Variants in DPH6 observed in about 807,000 individuals in gnomAD.
DPH6 encodes the protein diphthine--ammonia ligase.
Under a neutral mutation model 38.2 loss-of-function variants are expected in DPH6, and 33 were observed. That is an observed-to-expected ratio of 0.86 (90% CI 0.65 to 1.15). The LOEUF (loss-of-function observed/expected upper bound fraction) is 1.15, where lower values mean the gene tolerates loss of function less well. Ranked by LOEUF, DPH6 falls within the 50% of genes most tolerant of loss-of-function variation. The pLI is 0.00. For synonymous variants in DPH6, 108 were observed against 103.0 expected, an observed-to-expected ratio of 1.05 and a Z score of -0.30; for missense variants, 325 against 320.0, an observed-to-expected ratio of 1.02 and a Z score of -0.12.
chr15:35,292,695 T>C (rs1295590357), intron 3 of DPH6, among the ~76,000 whole-genome samples: 1 of 152,168 alleles, frequency 6.6e-6, no homozygotes, highest in African/African-American at 2.4e-5. Flanking sequence ...TTTATTCATT[T>C]GAACAACAGA....
At chr15:35,340,615 C>T (rs1451311586) in intron 3 of DPH6, among the ~76,000 whole-genome samples, 2 of 152,094 alleles carry the variant, frequency 1.3e-5, no homozygotes, top group Non-Finnish European at 2.9e-5. Context: ...TGAAAAGAAT[C>T]TTATTTCTCT....
rs560179995 is a variant in DPH6, at chr15:35,299,671, C to G, written n.200+73850G>C. Reference sequence around the variant, plus strand: ...CCCCATTCCTAACTCCTTCCTGCCTCTCCCCAGCTGTTCACATAGATACAC... The same window carrying G: ...CCCCATTCCTAACTCCTTCCTGCCTGTCCCCAGCTGTTCACATAGATACAC... On this transcript the variant is annotated intron_variant and non_coding_transcript_variant, in intron 3 of 3. Transcript: ENST00000560386. 3.3e-5 allele frequency among the ~76,000 whole-genome samples: 5 copies of G among 152,334 alleles called. No individual in the cohort carries two copies. In the South Asian group the frequency reaches 1.0e-3, roughly 32 times the overall value.
chr15:35,354,525 T>A (rs890495188), intron 3 of DPH6, among the ~76,000 whole-genome samples: 1 of 152,230 alleles, frequency 6.6e-6, no homozygotes, highest in African/African-American at 2.4e-5. Context: ...TTTTTCTGCA[T>A]CTATTGAGAT....
At chr15:35,369,643 C>G (rs2052693088), downstream of DPH6, among the ~76,000 whole-genome samples, 1 of 146,046 alleles carries the variant, frequency 6.8e-6, no homozygotes, top group African/African-American at 2.5e-5. Flanking sequence ...AAGAAAAATC[C>G]CAAATAGTCC....
intron 3 of DPH6, among the ~76,000 whole-genome samples, chr15:35,310,090 C>T (rs2052127752): frequency 6.6e-6 from 1 of 152,168 alleles, no homozygotes; most frequent in African/African-American, 2.4e-5. Flanking sequence ...AGAACCCATT[C>T]CAGACCAATT....
chr15:35,382,798 C>G (rs112117940), intron 6 of DPH6, among the ~76,000 whole-genome samples: 9 of 150,360 alleles, frequency 6.0e-5, no homozygotes, highest in African/African-American at 2.2e-4. Flanking sequence ...GGTCCAACTT[C>G]AAGAAAGGTT....
intron 3 of DPH6, among the ~76,000 whole-genome samples, chr15:35,251,583 T>A (rs1446701897): frequency 6.6e-6 from 1 of 152,118 alleles, no homozygotes; most frequent in Non-Finnish European, 1.5e-5. Context: ...GTGTACCACA[T>A]CCCCTTGCCA....
At chr15:35,515,132 TAA>T (rs202176366) in intron 3 of DPH6, among the ~76,000 whole-genome samples, 42 of 139,906 alleles carry the variant, frequency 3.0e-4, no homozygotes, top group Non-Finnish European at 3.1e-4. Flanking sequence ...ACACTAAGGT[TAA>T]AAAAAAAAAA....
At chr15:35,468,078 C>T (rs912533263) in intron 3 of DPH6, among the ~76,000 whole-genome samples, 2 of 152,164 alleles carry the variant, frequency 1.3e-5, no homozygotes, top group African/African-American at 4.8e-5. Flanking sequence ...AAAAATATTT[C>T]ATTGGATACA....
chr15:35,419,334 A>G (rs1311777199), intron 5 of DPH6, among the ~76,000 whole-genome samples: 2 of 152,124 alleles, frequency 1.3e-5, no homozygotes, highest in Non-Finnish European at 2.9e-5. Context: ...ACATATATGA[A>G]AGTGACTATC....
intron 5 of DPH6, among the ~76,000 whole-genome samples, chr15:35,436,709 T>G (rs2053720325): frequency 6.6e-6 from 1 of 151,818 alleles, no homozygotes. Flanking sequence ...AAGTTTTTTT[T>G]GTTTTTCTCC....
At chr15:35,501,570 G>C (rs1328786448) in intron 3 of DPH6, among the ~76,000 whole-genome samples, 2 of 152,048 alleles carry the variant, frequency 1.3e-5, no homozygotes, top group Non-Finnish European at 2.9e-5. Flanking sequence ...GAGTCATTGA[G>C]TTTATTTGAG....
At chr15:35,537,177 A>G (rs1213645526) in intron 3 of DPH6, among the ~76,000 whole-genome samples, 1 of 152,166 alleles carries the variant, frequency 6.6e-6, no homozygotes, top group Non-Finnish European at 1.5e-5. Flanking sequence ...TGAAACTCAA[A>G]GTATGTCATT....
intron 3 of DPH6, among the ~76,000 whole-genome samples, chr15:35,357,479 T>C (rs1566879454): frequency 6.6e-6 from 1 of 152,228 alleles, no homozygotes; most frequent in Non-Finnish European, 1.5e-5. Context: ...GTTTATAGGT[T>C]CTGTGTGATT....
At chr15:35,327,026 G>A (rs1298140639), downstream of DPH6, among the ~76,000 whole-genome samples, 6 of 152,144 alleles carry the variant, frequency 3.9e-5, no homozygotes, top group Non-Finnish European at 8.8e-5. Context: ...TTGCTGAGAA[G>A]GTGACATGTA....
chr15:35,470,363 GA>G (rs1029851892), intron 3 of DPH6, among the ~76,000 whole-genome samples: 2 of 151,700 alleles, frequency 1.3e-5, no homozygotes, highest in African/African-American at 2.4e-5. Flanking sequence ...GTCGAGGAAT[GA>G]AAAAAATGGG....
chr15:35,408,429 A>T (rs1056378266), intron 6 of DPH6, among the ~76,000 whole-genome samples: 1 of 152,028 alleles, frequency 6.6e-6, no homozygotes, highest in African/African-American at 2.4e-5. Context: ...AAAATGATGG[A>T]TATCAAGGCT....
chr15:35,444,624 A>G (rs2053827392), intron 5 of DPH6, among the ~76,000 whole-genome samples: 1 of 152,210 alleles, frequency 6.6e-6, no homozygotes, highest in African/African-American at 2.4e-5. Flanking sequence ...TAGCAATTGG[A>G]ATATTTAAAA....
intron 5 of DPH6, among the ~76,000 whole-genome samples, chr15:35,437,345 A>G (rs1310842805): frequency 1.3e-5 from 2 of 152,036 alleles, no homozygotes; most frequent in East Asian, 3.9e-4. Context: ...TTCTTCACAG[A>G]TGAGTAATTG....
Sources: allele counts gnomAD v4.1 joint callset (sites outside exome capture counted in the v4.1 genomes callset), GRCh38; gene constraint gnomAD v4.1.1; transcripts MANE v1.5; gene names NCBI Gene and HGNC (gene_info 2026-07-23, HGNC 2026-07-21).